The following RAB21 variants were observed in gnomAD, a reference collection of about 807,000 sequenced individuals.
RAB21 encodes the protein ras-related protein Rab-21.
RAB21 carries 13 observed loss-of-function variants against 33.1 expected under a neutral mutation model. That is an observed-to-expected ratio of 0.39 (90% confidence interval 0.26 to 0.62). The LOEUF (loss-of-function observed/expected upper bound fraction) is 0.62. Among genes scored for constraint, RAB21 ranks in the 20% least tolerant of loss-of-function variants. RAB21 has a pLI of 0.48. For synonymous variants in RAB21, 91 were observed against 103.7 expected (o/e 0.88, Z 0.74); for missense variants, 234 against 279.1 (o/e 0.84, Z 1.15).
chr12:71,757,595 A>ATGT (rs1284539537), intron 1 of RAB21, among the ~76,000 whole-genome samples: 1 of 152,248 alleles, frequency 6.6e-6, no homozygotes. Flanking sequence ...ATTTTGTTGT[A>ATGT]CACCAATGTA....
chr12:71,771,479 TC>T (rs896786964), intron 3 of RAB21, among the ~76,000 whole-genome samples: 3 of 152,194 alleles, frequency 2.0e-5, no homozygotes, highest in Non-Finnish European at 4.4e-5. Flanking sequence ...TTATTTTTTT[TC>T]CCAGTTAAAT....
intron 1 of RAB21, among the ~76,000 whole-genome samples, chr12:71,758,507 T>C (rs1209419817): frequency 6.6e-6 from 1 of 151,532 alleles, no homozygotes; most frequent in Non-Finnish European, 1.5e-5. Flanking sequence ...CCTTTCACTT[T>C]TTTTTTTTTT....
chr12:71,778,580 C>T (rs1312397163), intron 4 of RAB21, among the ~76,000 whole-genome samples: 2 of 152,104 alleles, frequency 1.3e-5, no homozygotes, highest in Non-Finnish European at 1.5e-5. Flanking sequence ...TACTATGTGC[C>T]AGGCTTTGGG....
At chr12:71,779,085 A>C (rs1441879230) in intron 4 of RAB21, among the ~76,000 whole-genome samples, 1 of 152,166 alleles carries the variant, frequency 6.6e-6, no homozygotes, top group East Asian at 1.9e-4. Flanking sequence ...CATATATCTT[A>C]TTTTCACATC....
rs773813834 is a variant in RAB21 at position 71,785,635 on chromosome 12, G to A, written c.640G>A (p.Ala214Thr). 1.9e-6 allele frequency: 3 copies of A among 1,614,180 alleles called. No homozygotes were observed. Among genetic ancestry groups the A allele is most frequent in the Non-Finnish European group, 2.5e-6 (3 of 1,180,032 alleles). The change falls in exon 7 of 7, where the codon GCC becomes ACC. Residue 214 changes from alanine to threonine, a missense_variant. Coordinates refer to ENST00000261263, the MANE Select transcript of RAB21 (RefSeq NM_014999.4). ...ACAGATTATTGATGATGAACCTCAA[G>A]CCCAGACCAGTGGTGGAGGGTGCTG... ...GVQIIDDEPQ[A>T]QTSGGGCCSS...
Position 71,789,444 on chromosome 12 carries a change from T to C in RAB21, c.*3771T>C, listed in dbSNP as rs1242426837. On this transcript the variant is annotated 3_prime_UTR_variant, in exon 7 of 7. Coordinates refer to ENST00000261263, the MANE Select transcript of RAB21 (RefSeq NM_014999.4). ...CTCTAAAAGTAGTTTGATCTGTGCCTTTAACTTTTAGAATTCATCTTTTGA... is the reference window on the plus strand; with the variant it reads ...CTCTAAAAGTAGTTTGATCTGTGCCCTTAACTTTTAGAATTCATCTTTTGA... 1 of 152,172 alleles carries C rather than the reference T, an allele frequency of 6.6e-6. No homozygotes were observed. Among genetic ancestry groups the C allele is most frequent in the Non-Finnish European group, 1.5e-5 (1 of 67,982 alleles). The allele number at this position is 152,172 out of a possible 1,614,324, so 9.4% of individuals were successfully genotyped here. A position where few individuals can be genotyped will look rare whatever the true frequency, so the allele number is the denominator to read the frequency against.
chr12:71,774,254 C>T (rs1270432514), intron 4 of RAB21: 2 of 186,800 alleles, frequency 1.1e-5, no homozygotes, highest in African/African-American at 2.7e-5. Flanking sequence ...CAAGACCAGC[C>T]TGGTCAACAT....
chr12:71,777,474 T>A (rs1387782564), intron 4 of RAB21, among the ~76,000 whole-genome samples: 1 of 152,228 alleles, frequency 6.6e-6, no homozygotes, highest in Non-Finnish European at 1.5e-5. Context: ...TTCCCACTTC[T>A]TGATTTTTAT....
Position 71,796,856 on chromosome 12 carries a change from C to T in RAB21, c.*11183C>T, listed in dbSNP as rs766294978. 2 of 151,814 alleles carry T rather than the reference C, an allele frequency of 1.3e-5. No homozygotes were observed. The highest frequency in any genetic ancestry group is 2.9e-5 in the Non-Finnish European group (2 of 67,928). 9.4% of individuals were successfully genotyped at this position (151,814 alleles called of 1,614,324 possible). ...GACTTGTAAGCTAAAAAGCCTGTTT[C>T]GTTCGGAAAAAAAAGTACATAACAT... On this transcript the variant is annotated 3_prime_UTR_variant, in exon 7 of 7. Coordinates refer to ENST00000261263, the MANE Select transcript of RAB21 (RefSeq NM_014999.4).
chr12:71,770,502 AT>A, intron 2 of RAB21, 89 bp from the exon 3 acceptor site: 2 of 883,150 alleles, frequency 2.3e-6, no homozygotes, highest in African/African-American at 1.7e-5. Flanking sequence ...TTTATGCCAT[AT>A]TTTCCAATTA....
At position 71,795,272 on chromosome 12, in the gene RAB21, A is replaced by G; in HGVS notation, c.*9599A>G. 6.6e-6 allele frequency: 1 copy of G among 152,246 alleles called. No individual in the cohort carries two copies. Among genetic ancestry groups the G allele is most frequent in the African/African-American group, 2.4e-5 (1 of 41,470 alleles). The allele number at this position is 152,246 out of a possible 1,614,324, so 9.4% of individuals were successfully genotyped here. A position where few individuals can be genotyped will look rare whatever the true frequency, so the allele number is the denominator to read the frequency against. ...CCCTTAAAAATATTGTCAAAGCATC[A>G]TGGTATTTGTAGTGGTGCTTAAAAA... On this transcript the variant is annotated 3_prime_UTR_variant, in exon 7 of 7. Transcript: ENST00000261263.
chr12:71,781,573 C>G (rs918287882), intron 4 of RAB21, among the ~76,000 whole-genome samples: 1 of 151,950 alleles, frequency 6.6e-6, no homozygotes, highest in African/African-American at 2.4e-5. Context: ...ATCCAGGAAA[C>G]CAAAATACTT....
chr12:71,766,968 C>A (rs1313936885), intron 1 of RAB21, among the ~76,000 whole-genome samples: 1 of 152,098 alleles, frequency 6.6e-6, no homozygotes, highest in Non-Finnish European at 1.5e-5. Flanking sequence ...GGCTCCCCAA[C>A]TTTTATAAAG....
At position 71,755,088 on chromosome 12, in the gene RAB21, G is replaced by C. The variant is rs1394685731; in HGVS notation, c.-42G>C. ...AAGGCGCTGCCGCGGCTGTCGGGAG[G>C]GCGGCGCGACACTCGGGCTCGGGCG... On this transcript the variant is annotated 5_prime_UTR_variant, in exon 1 of 7. Transcript: ENST00000261263. The C allele has an allele frequency of 9.3e-7, 1 of 1,073,238 alleles. No individual in the cohort carries two copies. The highest frequency in any genetic ancestry group is 1.1e-6 in the Non-Finnish European group (1 of 889,778). The allele number at this position is 1,073,238 out of a possible 1,614,324, so 66.5% of individuals were successfully genotyped here. A position where few individuals can be genotyped will look rare whatever the true frequency, so the allele number is the denominator to read the frequency against.
intron 5 of RAB21, 24 bp from the exon 6 acceptor site, chr12:71,782,546 T>TA (rs753403691): frequency 2.7e-6 from 4 of 1,476,826 alleles, no homozygotes; most frequent in Non-Finnish European, 3.7e-6. Flanking sequence ...TTTACATCAA[T>TA]CACCGATGTT....
Position 71,763,934 on chromosome 12 carries a change from C to T in RAB21, c.160-5866C>T, listed in dbSNP as rs541449435. On this transcript the variant is annotated intron_variant, in intron 1 of 6. Transcript: ENST00000261263. ...CACCCAGCTGAGCTGTCTGACCTTC[C>T]GTGAATCACTGTATTTTTTAAAAAA... Among the ~76,000 whole-genome samples, 3 of 152,136 alleles carry T rather than the reference C, an allele frequency of 2.0e-5. No homozygotes were observed. The South Asian group carries it at 6.2e-4, about 32-fold the overall frequency.
Position 71,798,389 on chromosome 12 carries a change from A to C in RAB21, c.*12716A>C, listed in dbSNP as rs1170349130. The stretch of plus-strand genomic sequence containing the variant: ...TGTGAGGCACCATGCCCAACATATA[A>C]CAATAAATTATATCACTATATAAAA... On this transcript the variant is annotated 3_prime_UTR_variant, in exon 7 of 7. Coordinates refer to ENST00000261263, the MANE Select transcript of RAB21 (RefSeq NM_014999.4). 6.6e-6 allele frequency: 1 copy of C among 152,120 alleles called. No homozygotes were observed. The highest frequency in any genetic ancestry group is 1.5e-5 in the Non-Finnish European group (1 of 68,014). The allele number at this position is 152,120 out of a possible 1,614,324, so 9.4% of individuals were successfully genotyped here.
chr12:71,770,499 C>T, intron 2 of RAB21, 93 bp from the exon 3 acceptor site: 3 of 848,996 alleles, frequency 3.5e-6, no homozygotes, highest in African/African-American at 1.7e-5. Context: ...GACTTTATGC[C>T]ATATTTTCCA....
intron 1 of RAB21, among the ~76,000 whole-genome samples, chr12:71,762,392 G>A (rs1452037674): frequency 6.6e-6 from 1 of 151,964 alleles, no homozygotes; most frequent in Non-Finnish European, 1.5e-5. Flanking sequence ...TGCAAGCTCC[G>A]CCTCCCAGGT....
Sources: allele counts gnomAD v4.1 joint callset (sites outside exome capture counted in the v4.1 genomes callset), GRCh38; gene constraint gnomAD v4.1.1; transcripts MANE v1.5; gene names NCBI Gene and HGNC (gene_info 2026-07-23, HGNC 2026-07-21).